Variants in GPATCH2 observed in about 807,000 individuals in gnomAD.
GPATCH2 encodes G patch domain-containing protein 2.
In GPATCH2, 51 loss-of-function variants were observed where a neutral mutation model predicts 58.0. That is an observed-to-expected ratio of 0.88 (90% CI 0.70 to 1.11). The LOEUF (loss-of-function observed/expected upper bound fraction) is 1.11, where lower values mean the gene tolerates loss of function less well. Among genes scored for constraint, GPATCH2 ranks in the 50% most tolerant of loss-of-function variants. The probability of loss-of-function intolerance (pLI) is 0.00; values close to 1 mark genes in which losing one functional copy is unlikely to be tolerated. For missense variants in GPATCH2, 625 were observed against 652.2 expected, an observed-to-expected ratio of 0.96 and a Z score of 0.45; for synonymous variants, 222 against 218.5, an observed-to-expected ratio of 1.02 and a Z score of -0.14.
intron 8 of GPATCH2, 100 bp downstream of exon 8, chr1:217,491,580 C>T: frequency 3.8e-6 from 2 of 529,218 alleles, no homozygotes; most frequent in Non-Finnish European, 6.9e-6. Flanking sequence ...TTTAAGGTGA[C>T]TTTTTAGAAC....
intron 6 of GPATCH2, among the ~76,000 whole-genome samples, chr1:217,504,526 C>G (rs186462456): frequency 1.3e-5 from 2 of 152,128 alleles, no homozygotes; most frequent in Admixed American, 1.3e-4. Flanking sequence ...ATCAAAGTTG[C>G]AGTAAAAGCA....
rs1032806465 is a variant in GPATCH2 at position 217,428,412 on chromosome 1, T to C, written c.*2733A>G. On this transcript the variant is annotated 3_prime_UTR_variant, in exon 10 of 10. Transcript: ENST00000366935. ...TAACTGGCAAAAAATTAACTATATATAAAAGACAAATTAGTGGGCTTCAGA... is the reference window on the plus strand; with the variant it reads ...TAACTGGCAAAAAATTAACTATATACAAAAGACAAATTAGTGGGCTTCAGA... The C allele has an allele frequency of 7.2e-5, 11 of 152,202 alleles. No individual in the cohort carries two copies. The highest frequency in any genetic ancestry group is 6.5e-4 in the Admixed American group (10 of 15,280). The allele number at this position is 152,202 out of a possible 1,614,324, so 9.4% of individuals were successfully genotyped here.
At chr1:217,476,638 G>A (rs551459215) in intron 8 of GPATCH2, among the ~76,000 whole-genome samples, 5 of 152,126 alleles carry the variant, frequency 3.3e-5, no homozygotes, top group Admixed American at 1.3e-4. Context: ...AAATCAAAAC[G>A]GAACCAAACT....
At chr1:217,560,734 A>G (rs1665889186) in intron 5 of GPATCH2, among the ~76,000 whole-genome samples, 1 of 152,222 alleles carries the variant, frequency 6.6e-6, no homozygotes, top group Non-Finnish European at 1.5e-5. Context: ...GTGTGTACAC[A>G]GGATGCTTAG....
chr1:217,543,941 T>C (rs193197219), intron 5 of GPATCH2, among the ~76,000 whole-genome samples: 2 of 152,344 alleles, frequency 1.3e-5, no homozygotes, highest in Admixed American at 6.5e-5. Context: ...CTAACAGTTG[T>C]ATTGCTTCTG....
intron 5 of GPATCH2, among the ~76,000 whole-genome samples, chr1:217,519,169 C>T (rs1053412544): frequency 1.3e-5 from 2 of 152,118 alleles, no homozygotes; most frequent in African/African-American, 2.4e-5. Context: ...GAAGATTCTT[C>T]GAAAGCATTT....
At chr1:217,595,759 C>T (rs11117893) in intron 5 of GPATCH2, among the ~76,000 whole-genome samples, 23,938 of 152,040 alleles carry the variant, frequency 0.16, 2,424 homozygotes, top group Non-Finnish European at 0.22. Context: ...CTCAGCCTCC[C>T]AAAGTGCTGG....
chr1:217,491,013 G>A (rs1661701083), intron 8 of GPATCH2, among the ~76,000 whole-genome samples: 1 of 152,188 alleles, frequency 6.6e-6, no homozygotes, highest in Non-Finnish European at 1.5e-5. Flanking sequence ...GCACTGGGAA[G>A]CCATGGGATG....
intron 1 of GPATCH2, among the ~76,000 whole-genome samples, chr1:217,630,023 G>T (rs1282396816): frequency 6.6e-6 from 1 of 152,094 alleles, no homozygotes; most frequent in Non-Finnish European, 1.5e-5. Flanking sequence ...TCACCTGTTG[G>T]TCAGAACTTT....
At chr1:217,505,381 A>T (rs914556240) in intron 6 of GPATCH2, among the ~76,000 whole-genome samples, 4 of 148,436 alleles carry the variant, frequency 2.7e-5, no homozygotes, top group African/African-American at 9.8e-5. Context: ...TTTTTTTTTT[A>T]AGAATGACTG....
intron 5 of GPATCH2, among the ~76,000 whole-genome samples, chr1:217,576,548 T>G (rs1426700033): frequency 1.3e-5 from 2 of 152,204 alleles, no homozygotes; most frequent in African/African-American, 4.8e-5. Flanking sequence ...ATAATTCACA[T>G]GCAGAACTAT....
chr1:217,532,432 C>G (rs1664236709), intron 5 of GPATCH2, among the ~76,000 whole-genome samples: 1 of 152,090 alleles, frequency 6.6e-6, no homozygotes, highest in Non-Finnish European at 1.5e-5. Context: ...GGTTCATTGA[C>G]TCAACAAAAA....
At chr1:217,508,803 C>T (rs919504941) in intron 6 of GPATCH2, among the ~76,000 whole-genome samples, 15 of 151,798 alleles carry the variant, frequency 9.9e-5, no homozygotes, top group African/African-American at 3.6e-4. Context: ...AGGCTCTTGT[C>T]TTTTTTGCAT....
intron 9 of GPATCH2, among the ~76,000 whole-genome samples, chr1:217,436,704 C>A (rs531922785): frequency 6.6e-6 from 1 of 152,080 alleles, no homozygotes; most frequent in East Asian, 1.9e-4. Flanking sequence ...GCTTCTGTAT[C>A]CATAATTTCT....
chr1:217,466,183 GTA>G (rs768809082), intron 8 of GPATCH2, among the ~76,000 whole-genome samples: 9 of 151,944 alleles, frequency 5.9e-5, no homozygotes, highest in Non-Finnish European at 1.2e-4. Context: ...GACAAAAAGA[GTA>G]CAGAAGCATT....
At position 217,427,064 on chromosome 1, in the gene GPATCH2, A is replaced by C. The variant is rs1658369618; in HGVS notation, c.*4081T>G. ...TACAGCAAACAAAACTCAACACTTC[A>C]ATGCATATTACAAAACACTTAAAAT... On this transcript the variant is annotated 3_prime_UTR_variant, in exon 10 of 10. Coordinates refer to ENST00000366935, the MANE Select transcript of GPATCH2 (RefSeq NM_018040.5). The C allele has an allele frequency of 6.6e-6, 1 of 152,160 alleles. No individual in the cohort carries two copies. Among genetic ancestry groups the C allele is most frequent in the African/African-American group, 2.4e-5 (1 of 41,434 alleles). The allele number at this position is 152,160 out of a possible 1,614,324, so 9.4% of individuals were successfully genotyped here. A position where few individuals can be genotyped will look rare whatever the true frequency, so the allele number is the denominator to read the frequency against.
rs190028127 is a variant in GPATCH2, at chr1:217,447,395, T to A, written c.1366+1854A>T. 2.1e-4 allele frequency among the ~76,000 whole-genome samples: 32 copies of A among 152,292 alleles called. No individual in the cohort carries two copies. In the East Asian group the frequency reaches 5.8e-3, roughly 28 times the overall value. On this transcript the variant is annotated intron_variant, in intron 9 of 9. Transcript: ENST00000366935. ...ACATTGCTATGGAAAGAGCATGGAT[T>A]TAGGTGTTATGCAGACCTAGGCTTG...
intron 7 of GPATCH2, among the ~76,000 whole-genome samples, chr1:217,492,167 C>T (rs1256562283): frequency 6.6e-6 from 1 of 152,072 alleles, no homozygotes; most frequent in East Asian, 1.9e-4. Context: ...CTGTTGCATT[C>T]AGCTGTGAAT....
At chr1:217,447,668 A>T (rs941054948) in intron 9 of GPATCH2, among the ~76,000 whole-genome samples, 2 of 152,232 alleles carry the variant, frequency 1.3e-5, no homozygotes, top group Non-Finnish European at 1.5e-5. Flanking sequence ...TACAGCCAGA[A>T]GATGATCAGG....
Sources: allele counts gnomAD v4.1 joint callset (sites outside exome capture counted in the v4.1 genomes callset), GRCh38; gene constraint gnomAD v4.1.1; transcripts MANE v1.5; gene names NCBI Gene and HGNC (gene_info 2026-07-23, HGNC 2026-07-21).